The following ZZEF1 variants were observed in gnomAD, a reference collection of about 807,000 sequenced individuals.
The protein encoded by ZZEF1 is zinc finger ZZ-type and EF-hand domain containing 1.
Under a neutral mutation model 342.8 loss-of-function variants are expected in ZZEF1, and 157 were observed. That is an observed-to-expected ratio of 0.46 (90% CI 0.40 to 0.52). The LOEUF (loss-of-function observed/expected upper bound fraction) is 0.52. ZZEF1 is among the 20% of genes least tolerant of loss of function. The probability of loss-of-function intolerance (pLI) is 0.00; values close to 1 mark genes in which losing one functional copy is unlikely to be tolerated. For synonymous variants in ZZEF1, 1,505 were observed against 1,429.1 expected, an observed-to-expected ratio of 1.05 and a Z score of -1.20; for missense variants, 3,480 against 3,725.6, an observed-to-expected ratio of 0.93 and a Z score of 1.72.
At chr17:4,133,767 G>T (rs755678435) in intron 1 of ZZEF1, among the ~76,000 whole-genome samples, 7 of 151,472 alleles carry the variant, frequency 4.6e-5, no homozygotes, top group African/African-American at 1.7e-4. Flanking sequence ...TACCACCCAG[G>T]CTAGAGTGCA....
At chr17:4,118,690 T>C (rs2058436716) in intron 2 of ZZEF1, among the ~76,000 whole-genome samples, 1 of 152,196 alleles carries the variant, frequency 6.6e-6, no homozygotes, top group Admixed American at 6.5e-5. Context: ...GTTGGTCCAC[T>C]AGGTGATGTA....
intron 26 of ZZEF1, among the ~76,000 whole-genome samples, chr17:4,069,977 G>A (rs2057477761): frequency 6.6e-6 from 1 of 152,206 alleles, no homozygotes; most frequent in Admixed American, 6.5e-5. Flanking sequence ...TTATCTCTAG[G>A]TAGGGCTTGA....
At chr17:4,091,638 G>A (rs535981869) in intron 11 of ZZEF1, among the ~76,000 whole-genome samples, 12 of 152,230 alleles carry the variant, frequency 7.9e-5, no homozygotes, top group African/African-American at 2.2e-4. Flanking sequence ...TTAGCCAGGC[G>A]TGGTGGTGCA....
In ZZEF1 at chr17:4,075,370, T is replaced by C. The variant is rs754462669; in HGVS notation, c.3294A>G (p.Glu1098=). ...AATTATTTTCATAGTTGTGGGCAGA[T>C]TCCTTCGTCCACGTATGTAACACCA... ...QPVVLHTWTK[E]SAHNYENNCH... is the part of the protein sequence containing the mutation. The change falls in exon 22 of 55, where the codon GAA becomes GAG. Residue 1098 remains glutamate (E), a synonymous_variant. Transcript: ENST00000381638. The C allele has an allele frequency of 1.5e-5, 24 of 1,614,128 alleles. No individual in the cohort carries two copies. Among genetic ancestry groups the C allele is most frequent in the African/African-American group, 6.7e-5 (5 of 74,948 alleles).
chr17:4,045,317 G>C (rs1430495151), intron 37 of ZZEF1, among the ~76,000 whole-genome samples: 1 of 152,144 alleles, frequency 6.6e-6, no homozygotes, highest in Non-Finnish European at 1.5e-5. Flanking sequence ...AGAGGAAAAA[G>C]ACAAAGCTAT....
chr17:4,014,549 T>C lies in ZZEF1; in HGVS notation c.8146-34A>G. On this transcript the variant is annotated intron_variant, in intron 49 of 54. Coordinates refer to ENST00000381638, the MANE Select transcript of ZZEF1 (RefSeq NM_015113.4). The surrounding 1 kb of genome is among the most constrained non-coding windows in gnomAD (Gnocchi z 4.4). ...GGGAAATGGAGAACACATCTGTCGA[T>C]GCTGCTCACTAGACACTGACTGCAG... 1 of 1,610,346 alleles carries C rather than the reference T, an allele frequency of 6.2e-7. No homozygotes were observed. Among genetic ancestry groups the C allele is most frequent in the Non-Finnish European group, 8.5e-7 (1 of 1,177,124 alleles).
chr17:4,085,623 T>C, intron 16 of ZZEF1, 47 bp downstream of exon 16: 1 of 1,608,182 alleles, frequency 6.2e-7, no homozygotes, highest in Non-Finnish European at 8.5e-7. Flanking sequence ...GCAAATTTCA[T>C]CCTCACAGAC....
intron 32 of ZZEF1, chr17:4,056,713 T>C (rs2057168545): frequency 6.6e-6 from 1 of 152,230 alleles, no homozygotes. Context: ...TTAGACATGC[T>C]CAGCATATCC....
chr17:4,117,626 C>G (rs1477972464), intron 2 of ZZEF1, among the ~76,000 whole-genome samples: 1 of 91,550 alleles, frequency 1.1e-5, no homozygotes, highest in Admixed American at 1.6e-4. Context: ...CCAGCCTGGG[C>G]AACAACAGTG....
chr17:4,015,594 G>A (rs142930007), intron 49 of ZZEF1, among the ~76,000 whole-genome samples: 28,153 of 152,132 alleles, frequency 0.19, 2,695 homozygotes, highest in Admixed American at 0.22. Flanking sequence ...GTGAAACCCC[G>A]TCTCTACTAA....
At chr17:4,044,659 C>G (rs1046215233) in intron 37 of ZZEF1, among the ~76,000 whole-genome samples, 1 of 151,946 alleles carries the variant, frequency 6.6e-6, no homozygotes, top group African/African-American at 2.4e-5. Flanking sequence ...GCTGGGACTA[C>G]AGGTGCGTGC....
chr17:4,042,364 T>C lies in ZZEF1; in HGVS notation c.6306+65A>G. ...GATTGTCATCATTTGTTTCAGTATG[T>C]GGCTTTCCAAAACCTTCTTCTATGC... On this transcript the variant is annotated intron_variant, in intron 39 of 54. Coordinates refer to ENST00000381638, the MANE Select transcript of ZZEF1 (RefSeq NM_015113.4). The C allele has an allele frequency of 2.0e-6, 3 of 1,525,396 alleles. No homozygotes were observed. In the South Asian group the frequency reaches 3.8e-5, roughly 19 times the overall value. 94.5% of individuals were successfully genotyped at this position (1,525,396 alleles called of 1,614,324 possible). A position where few individuals can be genotyped will look rare whatever the true frequency, so the allele number is the denominator to read the frequency against.
chr17:4,082,598 C>T (rs1388693467), intron 16 of ZZEF1, 94 bp from the exon 17 acceptor site: 2 of 1,192,900 alleles, frequency 1.7e-6, no homozygotes, highest in East Asian at 5.1e-5. Flanking sequence ...CCCCACTGTT[C>T]TCAAGTATGA....
At position 4,102,368 on chromosome 17, in the gene ZZEF1, C is replaced by A; in HGVS notation, c.1621G>T (p.Glu541Ter). The part of the protein sequence containing the change: ...TLQACDVKGK[E>*]DKSGPENLLV... ...AGGTTTTCGGGTCCAGACTTATCTTCTTTTCCTTTGACATCACATGCCTGA... is the reference window on the plus strand; with the variant it reads ...AGGTTTTCGGGTCCAGACTTATCTTATTTTCCTTTGACATCACATGCCTGA... Residue 541 changes from glutamate (E) to a stop codon, truncating the protein, a stop_gained, in exon 9 of 55, where the codon GAA (glutamate) becomes TAA (stop). Transcript: ENST00000381638. LOFTEE classifies it high-confidence loss of function. 6.2e-7 allele frequency: 1 copy of A among 1,613,954 alleles called. No individual in the cohort carries two copies. The highest frequency in any genetic ancestry group is 8.5e-7 in the Non-Finnish European group (1 of 1,179,856).
At chr17:4,018,847 TCC>T (rs1191722608) in intron 46 of ZZEF1, among the ~76,000 whole-genome samples, 1 of 151,752 alleles carries the variant, frequency 6.6e-6, no homozygotes, top group African/African-American at 2.4e-5. Context: ...CTTCTCCACC[TCC>T]CCTCTTTCCT....
chr17:4,042,653 C>G (rs1597802127), intron 38 of ZZEF1, 85 bp from the exon 39 acceptor site: 1 of 1,347,600 alleles, frequency 7.4e-7, no homozygotes. Context: ...GTCCCCTGTG[C>G]TGCTACGGAA....
chr17:4,095,188 T>C (rs2058012053), intron 11 of ZZEF1, among the ~76,000 whole-genome samples: 1 of 152,164 alleles, frequency 6.6e-6, no homozygotes. Context: ...CTGCCCTCTC[T>C]GCTTAGGACA....
chr17:4,039,769 G>A (rs1200317194), intron 39 of ZZEF1, among the ~76,000 whole-genome samples: 7 of 147,370 alleles, frequency 4.7e-5, no homozygotes, highest in African/African-American at 7.5e-5. Context: ...TCAGCCTCCC[G>A]AGTAGCTGGG....
chr17:4,107,535 A>G (rs2036887514), intron 6 of ZZEF1, among the ~76,000 whole-genome samples: 1 of 152,130 alleles, frequency 6.6e-6, no homozygotes, highest in South Asian at 2.1e-4. Flanking sequence ...GGCACAGGGT[A>G]TAGGAACTCG....
Sources: allele counts gnomAD v4.1 joint callset (sites outside exome capture counted in the v4.1 genomes callset), GRCh38; gene constraint gnomAD v4.1.1; non-coding constraint Gnocchi (gnomAD v3.1); transcripts MANE v1.5; gene names NCBI Gene and HGNC (gene_info 2026-07-23, HGNC 2026-07-21).